Variants in DZIP1 observed in about 807,000 individuals in gnomAD.
DZIP1 encodes DAZ interacting zinc finger protein 1, also known as cilium assembly protein DZIP1.
DZIP1 carries 97 observed loss-of-function variants against 107.6 expected under a neutral mutation model. The ratio of observed to expected loss-of-function variants is 0.90; its 90% CI spans 0.77 to 1.07. The LOEUF (loss-of-function observed/expected upper bound fraction) is 1.07. DZIP1 is among the 50% of genes least tolerant of loss of function. The pLI is 0.00. For synonymous variants in DZIP1, 390 were observed against 386.4 expected (o/e 1.01, Z -0.11); for missense variants, 1,035 against 1,063.6 (o/e 0.97, Z 0.37).
chr13:95,602,905 T>C (rs1464823749), intron 14 of DZIP1, among the ~76,000 whole-genome samples: 1 of 152,242 alleles, frequency 6.6e-6, no homozygotes, highest in African/African-American at 2.4e-5. Context: ...ACCAGAAGTC[T>C]AGAGCATACC....
chr13:95,624,686 T>C (rs1363427424), intron 8 of DZIP1, 82 bp downstream of exon 8: 1 of 1,244,378 alleles, frequency 8.0e-7, no homozygotes, highest in Non-Finnish European at 1.1e-6. Context: ...AAGTAACTGC[T>C]GGATCCCCTG....
intron 10 of DZIP1, among the ~76,000 whole-genome samples, chr13:95,613,659 C>T: frequency 6.6e-6 from 1 of 152,180 alleles, no homozygotes; most frequent in East Asian, 1.9e-4. Flanking sequence ...AGCATTTCCT[C>T]ATTTGCTTGC....
chr13:95,634,209 T>C (rs1228840810), intron 5 of DZIP1, among the ~76,000 whole-genome samples: 5 of 152,216 alleles, frequency 3.3e-5, no homozygotes, highest in East Asian at 3.9e-4. Context: ...CCTCCTCCCA[T>C]GGCTGGCACC....
intron 10 of DZIP1, among the ~76,000 whole-genome samples, chr13:95,618,944 C>T (rs958620962): frequency 1.3e-5 from 2 of 152,160 alleles, no homozygotes; most frequent in Non-Finnish European, 1.5e-5. Flanking sequence ...AGTGTAAACA[C>T]ATTTTAACAC....
intron 20 of DZIP1, 140 bp from the exon 21 acceptor site, chr13:95,586,276 T>G: frequency 2.9e-6 from 2 of 683,964 alleles, no homozygotes; most frequent in South Asian, 2.7e-5. Flanking sequence ...AATCAGTTGA[T>G]GTACTTTGGG....
chr13:95,593,812 G>C lies in DZIP1; in HGVS notation c.1680+132C>G. 6.7e-6 allele frequency: 7 copies of C among 1,039,058 alleles called. No individual in the cohort carries two copies. The South Asian group carries it at 1.3e-4, about 19-fold the overall frequency. 64.4% of individuals were successfully genotyped at this position (1,039,058 alleles called of 1,614,324 possible). ...GCTATTCAAGTGTTTGATAAATAAA[G>C]TAGGTCACATTAGCCTCTGTTCTCC... On this transcript the variant is annotated intron_variant, in intron 16 of 22. Coordinates refer to ENST00000376829, the MANE Select transcript of DZIP1 (RefSeq NM_198968.4).
At chr13:95,599,885 C>T (rs538455084) in intron 14 of DZIP1, among the ~76,000 whole-genome samples, 46 of 152,222 alleles carry the variant, frequency 3.0e-4, no homozygotes, top group African/African-American at 1.0e-3. Context: ...AGTGGTAAGA[C>T]CCAGAATATA....
At chr13:95,627,641 A>T in intron 7 of DZIP1, among the ~76,000 whole-genome samples, 1 of 152,234 alleles carries the variant, frequency 6.6e-6, no homozygotes, top group East Asian at 1.9e-4. Flanking sequence ...GAAAAGTATA[A>T]CAAGTATTGG....
At chr13:95,642,306 T>G in intron 3 of DZIP1, 65 bp from the exon 4 acceptor site, 1 of 387,380 alleles carries the variant, frequency 2.6e-6, no homozygotes. Flanking sequence ...CCGAAGAGGG[T>G]ACCTCCTGGG....
intron 10 of DZIP1, among the ~76,000 whole-genome samples, chr13:95,618,191 C>T (rs1875382862): frequency 1.3e-5 from 2 of 152,182 alleles, no homozygotes; most frequent in South Asian, 4.1e-4. Context: ...CATCCTGATT[C>T]CCATAGCTGT....
intron 22 of DZIP1, 60 bp downstream of exon 22, chr13:95,584,676 G>C: frequency 6.5e-7 from 1 of 1,546,722 alleles, no homozygotes; most frequent in East Asian, 2.3e-5. Context: ...TATTTATAAA[G>C]ATGAAACACA....
chr13:95,612,394 C>A (rs1215258236), intron 10 of DZIP1, among the ~76,000 whole-genome samples: 1 of 152,172 alleles, frequency 6.6e-6, no homozygotes, highest in Non-Finnish European at 1.5e-5. Context: ...CCCAAATAGA[C>A]AACACTGATA....
intron 19 of DZIP1, among the ~76,000 whole-genome samples, chr13:95,588,496 A>C (rs1169778390): frequency 6.6e-6 from 1 of 152,246 alleles, no homozygotes; most frequent in African/African-American, 2.4e-5. Context: ...CCTACAATTT[A>C]TTGAGTACCC....
At chr13:95,585,700 A>G (rs912568035) in intron 21 of DZIP1, among the ~76,000 whole-genome samples, 2 of 152,232 alleles carry the variant, frequency 1.3e-5, no homozygotes, top group African/African-American at 2.4e-5. Context: ...AAGGGCCCCA[A>G]TTCTGGCCAG....
chr13:95,625,335 C>T (rs1876401958), intron 7 of DZIP1, among the ~76,000 whole-genome samples: 1 of 152,184 alleles, frequency 6.6e-6, no homozygotes, highest in African/African-American at 2.4e-5. Flanking sequence ...AATACAAATT[C>T]AGATTTACAG....
Position 95,641,769 on chromosome 13 carries a change from G to A in DZIP1, c.123C>T (p.Ala41=). The part of the protein sequence containing the change: ...VAVAAAAAGA[A]SMACAPPSAA... ...CGCTGGGGGGCGCACAGGCCATGGA[G>A]GCCGCACCCGCGGCGGCGGCGGCCA... The change falls in exon 5 of 23, where the codon GCC becomes GCT. Residue 41 remains alanine, a synonymous_variant. Transcript: ENST00000376829. This position sits in a 1 kb window ranked among gnomAD's most constrained non-coding sequence, Gnocchi z 4.3. 6.4e-7 allele frequency: 1 copy of A among 1,558,250 alleles called. No individual in the cohort carries two copies. Among genetic ancestry groups the A allele is most frequent in the Admixed American group, 2.0e-5 (1 of 50,952 alleles).
intron 5 of DZIP1, among the ~76,000 whole-genome samples, chr13:95,639,782 T>C (rs1426597329): frequency 1.3e-5 from 2 of 152,098 alleles, no homozygotes; most frequent in Non-Finnish European, 2.9e-5. Flanking sequence ...TAAAAATGTT[T>C]AAATAGAATC....
At chr13:95,585,649 A>C (rs2044141128) in intron 21 of DZIP1, among the ~76,000 whole-genome samples, 2 of 152,172 alleles carry the variant, frequency 1.3e-5, no homozygotes, top group African/African-American at 4.8e-5. Flanking sequence ...AAACCCTCAA[A>C]AGTACCTAAG....
At position 95,609,506 on chromosome 13, in the gene DZIP1, A is replaced by G; in HGVS notation, c.1371T>C (p.Pro457=). The stretch of plus-strand genomic sequence containing the variant: ...GAGATTCAAAAGCCTGCCAGGCTAA[A>G]GGATTTCCTGAAATGACAGAAAAAT... The part of the protein sequence containing the change: ...LNSISEPKGN[P]LAWQAFESQP... The change falls in exon 13 of 23, where the codon CCT becomes CCC. Residue 457 remains proline (P), a synonymous_variant. Transcript: ENST00000376829. 1 of 1,586,530 alleles carries G rather than the reference A, an allele frequency of 6.3e-7. No homozygotes were observed. Among genetic ancestry groups the G allele is most frequent in the Non-Finnish European group, 8.6e-7 (1 of 1,167,550 alleles).
Sources: gnomAD v4.1 joint callset for allele counts (sites outside exome capture counted in the v4.1 genomes callset) on GRCh38, gnomAD v4.1.1 for gene constraint, Gnocchi (gnomAD v3.1) non-coding constraint, MANE v1.5 for transcripts, NCBI Gene and HGNC (gene_info 2026-07-23, HGNC 2026-07-21) for gene names.